Variants in AK5 observed in about 807,000 individuals in gnomAD.
The protein encoded by AK5 is adenylate kinase isoenzyme 5.
Under a neutral mutation model 69.5 loss-of-function variants are expected in AK5, and 27 were observed. The observed-to-expected ratio is 0.39, with a 90% CI of 0.29 to 0.54. AK5 has a LOEUF of 0.54. AK5 is among the 20% of genes least tolerant of loss of function. AK5 has a pLI of 0.71. For missense variants in AK5, 531 were observed against 700.4 expected (o/e 0.76, Z 2.73); for synonymous variants, 260 against 244.4 (o/e 1.06, Z -0.60).
intron 5 of AK5, among the ~76,000 whole-genome samples, chr1:77,303,661 A>G (rs1659466623): frequency 6.6e-6 from 1 of 152,196 alleles, no homozygotes; most frequent in South Asian, 2.1e-4. Flanking sequence ...TTAGTAGGAA[A>G]ATAGTTTTGA....
At chr1:77,505,128 G>A (rs1017044912) in intron 10 of AK5, among the ~76,000 whole-genome samples, 5 of 152,098 alleles carry the variant, frequency 3.3e-5, no homozygotes, top group African/African-American at 9.7e-5. Flanking sequence ...TCCAGTTTCC[G>A]TGATGTGGTC....
At chr1:77,372,616 A>G (rs1246507538) in intron 6 of AK5, among the ~76,000 whole-genome samples, 1 of 152,224 alleles carries the variant, frequency 6.6e-6, no homozygotes, top group Non-Finnish European at 1.5e-5. Flanking sequence ...ATCAAGAAGA[A>G]GTATCTACCA....
chr1:77,552,422 A>G (rs545214414), intron 13 of AK5, among the ~76,000 whole-genome samples: 1 of 152,310 alleles, frequency 6.6e-6, no homozygotes, highest in East Asian at 1.9e-4. Flanking sequence ...CTTTAACAAT[A>G]TACAAATACT....
chr1:77,520,338 T>G (rs1344319979), intron 11 of AK5, among the ~76,000 whole-genome samples: 1 of 152,230 alleles, frequency 6.6e-6, no homozygotes, highest in Non-Finnish European at 1.5e-5. Context: ...CCAGAATGAT[T>G]TCTTTGAAAC....
intron 12 of AK5, among the ~76,000 whole-genome samples, chr1:77,529,210 T>C (rs912217131): frequency 4.1e-4 from 63 of 152,164 alleles, no homozygotes; most frequent in Admixed American, 2.0e-3. Context: ...ATACAGAACA[T>C]AGGAATAGTA....
chr1:77,315,531 T>C (rs1043660626), intron 5 of AK5, among the ~76,000 whole-genome samples: 1 of 152,156 alleles, frequency 6.6e-6, no homozygotes, highest in Non-Finnish European at 1.5e-5. Context: ...GAAACTTGGT[T>C]AAAACTTTAT....
chr1:77,481,428 A>C (rs1655246429), intron 8 of AK5, among the ~76,000 whole-genome samples: 1 of 152,234 alleles, frequency 6.6e-6, no homozygotes, highest in Non-Finnish European at 1.5e-5. Context: ...TCATTAATGT[A>C]AATGTGTCCC....
chr1:77,376,453 A>AAC (rs1647254650), intron 6 of AK5, among the ~76,000 whole-genome samples: 2 of 143,832 alleles, frequency 1.4e-5, no homozygotes, highest in African/African-American at 5.1e-5. Flanking sequence ...AAAAAAAACA[A>AAC]AAAAAAAAAA....
At chr1:77,354,256 T>C (rs1377734) in intron 6 of AK5, among the ~76,000 whole-genome samples, 108,129 of 152,052 alleles carry the variant, frequency 0.71, 38,677 homozygotes, top group East Asian at 0.86. Context: ...TAATTTAGCT[T>C]AGTATAAAAT....
At chr1:77,506,688 C>G (rs1483823453) in intron 10 of AK5, among the ~76,000 whole-genome samples, 2 of 152,134 alleles carry the variant, frequency 1.3e-5, no homozygotes, top group African/African-American at 4.8e-5. Context: ...GAAATCACAT[C>G]CCTAAAGTCT....
chr1:77,296,153 A>G (rs1372534492), intron 3 of AK5, among the ~76,000 whole-genome samples: 1 of 152,194 alleles, frequency 6.6e-6, no homozygotes, highest in Non-Finnish European at 1.5e-5. Flanking sequence ...ACAAATTTGT[A>G]TTAGTTCCAA....
chr1:77,310,540 C>T (rs1198451348), intron 5 of AK5, among the ~76,000 whole-genome samples: 1 of 151,906 alleles, frequency 6.6e-6, no homozygotes, highest in African/African-American at 2.4e-5. Context: ...CAACCACGCC[C>T]GGCTAATTTT....
intron 8 of AK5, among the ~76,000 whole-genome samples, chr1:77,424,971 A>G (rs1238749393): frequency 1.3e-5 from 2 of 152,248 alleles, no homozygotes; most frequent in African/African-American, 4.8e-5. Context: ...CTTTATATAC[A>G]AACTTCAGAA....
At chr1:77,312,228 T>A (rs1453507554) in intron 5 of AK5, among the ~76,000 whole-genome samples, 2 of 152,244 alleles carry the variant, frequency 1.3e-5, no homozygotes, top group Non-Finnish European at 1.5e-5. Flanking sequence ...TGGTCTCACT[T>A]CTTCTAGGTA....
intron 2 of AK5, among the ~76,000 whole-genome samples, chr1:77,292,410 G>A (rs1475040480): frequency 6.6e-6 from 1 of 152,092 alleles, no homozygotes; most frequent in East Asian, 1.9e-4. Context: ...AACAGAGAAT[G>A]GAAAGTTCTA....
chr1:77,425,011 G>A (rs1416600038), intron 8 of AK5, among the ~76,000 whole-genome samples: 4 of 152,130 alleles, frequency 2.6e-5, no homozygotes, highest in African/African-American at 9.7e-5. Context: ...AATCTTGAAA[G>A]AAGCCAGATT....
chr1:77,367,693 G>A lies in AK5; in HGVS notation c.891+27125G>A, dbSNP rs866766162. Among the ~76,000 whole-genome samples, 13 of 41,408 alleles carry A rather than the reference G, an allele frequency of 3.1e-4. 1 individual carries two copies. Among genetic ancestry groups the A allele is most frequent in the South Asian group, 1.0e-3 (1 of 978 alleles). The allele number at this position is 41,408 out of a possible 152,430, so 27.2% of individuals were successfully genotyped here. A position where few individuals can be genotyped will look rare whatever the true frequency, so the allele number is the denominator to read the frequency against. On this transcript the variant is annotated intron_variant, in intron 6 of 13. Coordinates refer to ENST00000354567, the MANE Select transcript of AK5 (RefSeq NM_174858.3). ...TATATAATATATATGTTATATATAC[G>A]TTATATGTTATATATATGTTATATA...
chr1:77,323,481 C>T (rs1356183509), intron 5 of AK5, among the ~76,000 whole-genome samples: 2 of 152,158 alleles, frequency 1.3e-5, no homozygotes, highest in South Asian at 4.1e-4. Flanking sequence ...TAGAGCCAAT[C>T]ATTGATTCTT....
chr1:77,465,966 A>G (rs1654114053), intron 8 of AK5, among the ~76,000 whole-genome samples: 1 of 152,100 alleles, frequency 6.6e-6, no homozygotes, highest in African/African-American at 2.4e-5. Context: ...CAGAATCTAG[A>G]GTGATCTTTT....
Sources: gnomAD v4.1 joint callset for allele counts (sites outside exome capture counted in the v4.1 genomes callset) on GRCh38, gnomAD v4.1.1 for gene constraint, MANE v1.5 for transcripts, NCBI Gene and HGNC (gene_info 2026-07-23, HGNC 2026-07-21) for gene names.